Variants in PCDH7 observed in about 807,000 individuals in gnomAD.
PCDH7 encodes protocadherin 7.
In PCDH7, 17 loss-of-function variants were observed where a neutral mutation model predicts 58.9. The ratio of observed to expected loss-of-function variants is 0.29; its 90% CI spans 0.20 to 0.43. The LOEUF is 0.43. Ranked by LOEUF, PCDH7 falls within the 20% of genes least tolerant of loss-of-function variation. The probability of loss-of-function intolerance (pLI) is 1.00; values close to 1 mark genes in which losing one functional copy is unlikely to be tolerated. For synonymous variants in PCDH7, 664 were observed against 616.4 expected (o/e 1.08, Z -1.14); for missense variants, 1,274 against 1,441.0 (o/e 0.88, Z 1.88).
intron 1 of PCDH7, among the ~76,000 whole-genome samples, chr4:30,766,507 A>T (rs1489061555): frequency 6.6e-6 from 1 of 152,192 alleles, no homozygotes. Flanking sequence ...ATAATCTGGA[A>T]TTTAATCTTA....
intron 3 of PCDH7, among the ~76,000 whole-genome samples, chr4:31,030,266 T>C (rs1754787279): frequency 1.3e-5 from 2 of 152,184 alleles, no homozygotes; most frequent in Non-Finnish European, 2.9e-5. Context: ...CAATCCTTCC[T>C]TGTATCCTCA....
At chr4:31,130,818 C>A (rs1718891966) in intron 3 of PCDH7, among the ~76,000 whole-genome samples, 1 of 152,114 alleles carries the variant, frequency 6.6e-6, no homozygotes, top group African/African-American at 2.4e-5. Context: ...CTTCTGTCTC[C>A]CACTTCCACT....
intron 3 of PCDH7, among the ~76,000 whole-genome samples, chr4:31,104,672 CTG>C (rs1715322821): frequency 6.6e-6 from 1 of 152,170 alleles, no homozygotes; most frequent in East Asian, 1.9e-4. Context: ...AATCCTAACA[CTG>C]AGCTTTCTAA....
Position 30,916,208 on chromosome 4 carries a change from C to T in PCDH7, c.71-3945C>T, listed in dbSNP as rs181393468. Among the ~76,000 whole-genome samples, 13 of 152,304 alleles carry T rather than the reference C, an allele frequency of 8.5e-5. No homozygotes were observed. In the East Asian group the frequency reaches 2.5e-3, roughly 29 times the overall value. ...ATAATGGCCTTGCTGTCCGTTTTCA[C>T]TGCCACTACCTTCTCTCAGCCTTAC... On this transcript the variant is annotated intron_variant, in intron 1 of 3. Transcript: ENST00000509759.
At chr4:30,826,047 C>G (rs1729057688) in intron 1 of PCDH7, among the ~76,000 whole-genome samples, 1 of 152,064 alleles carries the variant, frequency 6.6e-6, no homozygotes, top group African/African-American at 2.4e-5. Flanking sequence ...TTTCAAGCAT[C>G]ATTGCTGCCT....
chr4:31,114,470 T>C (rs913829673), intron 3 of PCDH7, among the ~76,000 whole-genome samples: 3 of 152,184 alleles, frequency 2.0e-5, no homozygotes, highest in Admixed American at 6.5e-5. Flanking sequence ...TATTGACCTA[T>C]AAATTACCCC....
chr4:30,812,283 A>G (rs1727120459), intron 1 of PCDH7, among the ~76,000 whole-genome samples: 2 of 152,278 alleles, frequency 1.3e-5, no homozygotes, highest in South Asian at 4.1e-4. Flanking sequence ...TGAAATCTTC[A>G]CTTACAAGTG....
rs544566973 is a variant in PCDH7, at chr4:30,762,790, A to C, written c.70+38194A>C. On this transcript the variant is annotated intron_variant, in intron 1 of 3. Transcript: ENST00000509759. ...AAATGTGGAATTAAAGCAAACACAA[A>C]ATCAAACAAACATGGTATTTCTCCC... Among the ~76,000 whole-genome samples the C allele has an allele frequency of 9.3e-4, 142 of 152,332 alleles. No individual in the cohort carries two copies. The Middle Eastern group carries it at 0.01, about 11-fold the overall frequency.
At chr4:30,793,729 G>A (rs1158197203) in intron 1 of PCDH7, among the ~76,000 whole-genome samples, 3 of 152,136 alleles carry the variant, frequency 2.0e-5, no homozygotes, top group Non-Finnish European at 4.4e-5. Context: ...ATGTAACTAT[G>A]TGTGCAATAG....
chr4:30,792,694 C>T (rs1266775032), intron 1 of PCDH7, among the ~76,000 whole-genome samples: 1 of 152,118 alleles, frequency 6.6e-6, no homozygotes, highest in East Asian at 1.9e-4. Flanking sequence ...TCAATTGTGT[C>T]AGTGAAAATT....
At chr4:31,064,291 C>T (rs1757913195) in intron 3 of PCDH7, among the ~76,000 whole-genome samples, 1 of 151,944 alleles carries the variant, frequency 6.6e-6, no homozygotes, top group Non-Finnish European at 1.5e-5. Context: ...TTACTCCTAT[C>T]ATCCAGATAT....
chr4:31,033,464 C>T (rs28668845), intron 3 of PCDH7, among the ~76,000 whole-genome samples: 4,033 of 152,172 alleles, frequency 0.027, 182 homozygotes, highest in African/African-American at 0.092. Flanking sequence ...GGAGAAATAT[C>T]GAGAGGACTA....
intron 3 of PCDH7, among the ~76,000 whole-genome samples, chr4:31,033,957 G>A (rs1017412877): frequency 2.6e-5 from 4 of 152,088 alleles, no homozygotes; most frequent in African/African-American, 9.6e-5. Context: ...ACCCAGGTGT[G>A]GTGATGCGCC....
At chr4:30,740,945 C>G (rs1199844693) in intron 1 of PCDH7, among the ~76,000 whole-genome samples, 1 of 151,678 alleles carries the variant, frequency 6.6e-6, no homozygotes, top group Non-Finnish European at 1.5e-5. Flanking sequence ...AATACCAAAG[C>G]CCATCTGAAG....
At chr4:30,768,931 T>C (rs1721064835) in intron 1 of PCDH7, among the ~76,000 whole-genome samples, 1 of 152,214 alleles carries the variant, frequency 6.6e-6, no homozygotes, top group African/African-American at 2.4e-5. Flanking sequence ...GAGATGATAC[T>C]TTCAGGTGGC....
At chr4:31,111,675 A>G (rs1354765028) in intron 3 of PCDH7, among the ~76,000 whole-genome samples, 6 of 152,236 alleles carry the variant, frequency 3.9e-5, no homozygotes. Flanking sequence ...TCTAAGAACA[A>G]TAAGCAATAC....
exon 2 of PCDH7, chr4:30,731,080 T>C: frequency 9.0e-7 from 1 of 1,115,944 alleles, no homozygotes; most frequent in Non-Finnish European, 1.1e-6. Context: ...GTAACAGTGA[T>C]GTCTTTTAAA....
chr4:30,898,441 A>G (rs1192602664), intron 1 of PCDH7, among the ~76,000 whole-genome samples: 1 of 152,220 alleles, frequency 6.6e-6, no homozygotes, highest in Non-Finnish European at 1.5e-5. Context: ...CATCAAGAGA[A>G]GGTGAAAGCA....
Position 30,723,419 on chromosome 4 carries a change from C to T in PCDH7, c.1997C>T (p.Ala666Val). 6.2e-7 allele frequency: 1 copy of T among 1,614,164 alleles called. No homozygotes were observed. The highest frequency in any genetic ancestry group is 1.1e-5 in the South Asian group (1 of 91,078). ...GTGGGGATGGTCACCGTGATGGATGCTGACAAGGGGCGGAATGCAGAGATG... is the reference window on the plus strand; with the variant it reads ...GTGGGGATGGTCACCGTGATGGATGTTGACAAGGGGCGGAATGCAGAGATG... Residue 666 changes from alanine to valine, a missense_variant, in exon 1 of 2, where the codon GCT (alanine) becomes GTT (valine). Coordinates refer to ENST00000361762, the Ensembl canonical transcript of PCDH7. This position sits in a 1 kb window ranked among gnomAD's most constrained non-coding sequence, Gnocchi z 4.6.
Sources: gnomAD v4.1 joint callset for allele counts (sites outside exome capture counted in the v4.1 genomes callset) on GRCh38, gnomAD v4.1.1 for gene constraint, Gnocchi (gnomAD v3.1) non-coding constraint, MANE v1.5 for transcripts, NCBI Gene and HGNC (gene_info 2026-07-23, HGNC 2026-07-21) for gene names.